The following DLG2 variants were observed in gnomAD, a reference collection of about 807,000 sequenced individuals.
DLG2 encodes the protein disks large homolog 2.
A neutral mutation model predicts 132.5 loss-of-function variants in DLG2; 45 were observed. The observed-to-expected ratio is 0.34, with a 90% CI of 0.27 to 0.44. DLG2 has a LOEUF of 0.44. Among genes scored for constraint, DLG2 ranks in the 20% least tolerant of loss-of-function variants. The probability of loss-of-function intolerance (pLI) is 1.00; values close to 1 mark genes in which losing one functional copy is unlikely to be tolerated. For synonymous variants in DLG2, 424 were observed against 419.6 expected (o/e 1.01, Z -0.13); for missense variants, 1,045 against 1,196.9 (o/e 0.87, Z 1.87).
At position 83,883,962 on chromosome 11, in the gene DLG2, G is replaced by A. The variant is rs1418181500; in HGVS notation, c.1497-9474C>T. On this transcript the variant is annotated intron_variant, in intron 15 of 27. Coordinates refer to ENST00000376104, the MANE Select transcript of DLG2 (RefSeq NM_001142699.3). Reference sequence around the variant, plus strand: ...TTAGAAATTTTATAGAGCTGGTGGAGCCAAGATGGCCGAATAGGAACAGCT... The same window carrying A: ...TTAGAAATTTTATAGAGCTGGTGGAACCAAGATGGCCGAATAGGAACAGCT... 4.0e-5 allele frequency among the ~76,000 whole-genome samples: 6 copies of A among 151,750 alleles called. No homozygotes were observed. In the East Asian group the frequency reaches 1.2e-3, roughly 29 times the overall value.
intron 6 of DLG2, among the ~76,000 whole-genome samples, chr11:84,761,004 C>T (rs1201459472): frequency 6.6e-6 from 1 of 152,138 alleles, no homozygotes; most frequent in African/African-American, 2.4e-5. Flanking sequence ...TCTGATTCTT[C>T]TGGGACACTG....
intron 6 of DLG2, among the ~76,000 whole-genome samples, chr11:84,766,122 G>C (rs2068377908): frequency 6.6e-6 from 1 of 151,976 alleles, no homozygotes; most frequent in African/African-American, 2.4e-5. Flanking sequence ...ACATCCACCA[G>C]AGGGGGAAGG....
At chr11:84,495,335 G>C (rs1464139635) in intron 7 of DLG2, among the ~76,000 whole-genome samples, 2 of 152,124 alleles carry the variant, frequency 1.3e-5, no homozygotes, top group East Asian at 1.9e-4. Context: ...CTAAGAGTTA[G>C]GGAAGCACGA....
chr11:83,885,816 T>A lies in DLG2; in HGVS notation c.1497-11328A>T, dbSNP rs1287113726. On this transcript the variant is annotated intron_variant, in intron 15 of 27. Transcript: ENST00000376104. Reference sequence around the variant, plus strand: ...ATTCAACTTTCTTAAAGAAAAGAATTTTCAACCCAGAATTTCATATCCAGC... The same window carrying A: ...ATTCAACTTTCTTAAAGAAAAGAATATTCAACCCAGAATTTCATATCCAGC... Among the ~76,000 whole-genome samples, 6 of 152,110 alleles carry A rather than the reference T, an allele frequency of 3.9e-5. No individual in the cohort carries two copies. In the East Asian group the frequency reaches 7.7e-4, roughly 20 times the overall value.
chr11:84,121,541 A>ATTTT (rs869183421), intron 9 of DLG2, among the ~76,000 whole-genome samples: 10 of 66,688 alleles, frequency 1.5e-4, no homozygotes, highest in South Asian at 1.4e-3. Context: ...TTCCTTGCTA[A>ATTTT]TTTTTTTTTT....
chr11:83,884,131 AG>A (rs1196104062), intron 15 of DLG2, among the ~76,000 whole-genome samples: 1 of 152,236 alleles, frequency 6.6e-6, no homozygotes. Context: ...GAGCCGAAGC[AG>A]GGCGAGGCAT....
chr11:85,613,525 T>G (rs1042004432), intron 2 of DLG2, among the ~76,000 whole-genome samples: 2 of 152,146 alleles, frequency 1.3e-5, no homozygotes, highest in Non-Finnish European at 2.9e-5. Flanking sequence ...CTTTTCTGTA[T>G]AGCTAAAGGA....
chr11:84,922,577 C>T (rs961830689), intron 6 of DLG2, among the ~76,000 whole-genome samples: 6 of 152,074 alleles, frequency 3.9e-5, no homozygotes, highest in African/African-American at 1.4e-4. Flanking sequence ...CACCAATTTC[C>T]AGTGAAAATC....
intron 3 of DLG2, among the ~76,000 whole-genome samples, chr11:85,317,713 C>A (rs988622875): frequency 1.3e-5 from 2 of 151,706 alleles, no homozygotes; most frequent in African/African-American, 2.4e-5. Flanking sequence ...ATGATGAGAA[C>A]ACATGAACAC....
At chr11:84,951,591 TATATATATACAC>T (rs964614878) in intron 6 of DLG2, among the ~76,000 whole-genome samples, 196 of 150,702 alleles carry the variant, frequency 1.3e-3, no homozygotes, top group African/African-American at 4.3e-3. Flanking sequence ...AATACATACA[TATATATATACAC>T]ATATATATAC....
chr11:84,587,734 T>C (rs1446195448), intron 6 of DLG2, among the ~76,000 whole-genome samples: 1 of 152,176 alleles, frequency 6.6e-6, no homozygotes, highest in Non-Finnish European at 1.5e-5. Flanking sequence ...ACTCCTAGAA[T>C]TTAGCTTTCA....
chr11:83,474,739 G>A (rs1403323045), intron 22 of DLG2, among the ~76,000 whole-genome samples: 3 of 152,098 alleles, frequency 2.0e-5, no homozygotes, highest in Non-Finnish European at 1.5e-5. Flanking sequence ...GCCAACGGTA[G>A]GTTCTATTTT....
At chr11:84,703,102 C>T (rs1317224758) in intron 6 of DLG2, among the ~76,000 whole-genome samples, 1 of 151,540 alleles carries the variant, frequency 6.6e-6, no homozygotes, top group Admixed American at 6.6e-5. Flanking sequence ...ATGTTTTACA[C>T]ACTTAAAAGG....
chr11:85,619,782 C>A (rs145579370), intron 2 of DLG2, among the ~76,000 whole-genome samples: 2 of 151,814 alleles, frequency 1.3e-5, no homozygotes, highest in African/African-American at 4.8e-5. Context: ...TGCAGTGAAC[C>A]GAGATTGCGC....
chr11:84,511,813 A>T (rs76046354), intron 7 of DLG2, among the ~76,000 whole-genome samples: 6,767 of 152,216 alleles, frequency 0.044, 168 homozygotes, highest in Middle Eastern at 0.088. Context: ...GCTGGTTCTC[A>T]GGGCCCTGCT....
Position 84,999,481 on chromosome 11 carries a change from T to C in DLG2, c.357+112180A>G, listed in dbSNP as rs77539658. Among the ~76,000 whole-genome samples, 576 of 152,268 alleles carry C rather than the reference T, an allele frequency of 3.8e-3. 2 individuals carry two copies. Among genetic ancestry groups the C allele is most frequent in the African/African-American group, 0.013 (534 of 41,546 alleles). On this transcript the variant is annotated intron_variant, in intron 6 of 27. Transcript: ENST00000376104. ...GAAATAATCATCACTTGACGTATGA[T>C]TTGGGTTTTCTGTAGACATCCATGG...
intron 6 of DLG2, among the ~76,000 whole-genome samples, chr11:84,964,990 A>C (rs980524922): frequency 6.6e-6 from 1 of 152,100 alleles, no homozygotes; most frequent in Non-Finnish European, 1.5e-5. Context: ...TGGCCAAAAT[A>C]ATTCATAATT....
At chr11:83,633,402 C>T (rs549891472) in intron 18 of DLG2, 77 bp from the exon 19 acceptor site, 1 of 1,182,936 alleles carries the variant, frequency 8.5e-7, no homozygotes, top group South Asian at 1.3e-5. Context: ...CCAGGCAGCC[C>T]CTCACCCACG....
At chr11:85,176,740 T>C (rs1358076250) in intron 4 of DLG2, among the ~76,000 whole-genome samples, 2 of 152,138 alleles carry the variant, frequency 1.3e-5, no homozygotes, top group Non-Finnish European at 2.9e-5. Context: ...ATCTAGAGTT[T>C]ACATGGAATT....
Sources: gnomAD v4.1 joint callset for allele counts (sites outside exome capture counted in the v4.1 genomes callset) on GRCh38, gnomAD v4.1.1 for gene constraint, MANE v1.5 for transcripts, NCBI Gene and HGNC (gene_info 2026-07-23, HGNC 2026-07-21) for gene names.